CNTNAP2: variants seen among roughly 807,000 people sequenced by gnomAD.
The protein encoded by CNTNAP2 is contactin-associated protein-like 2.
Under a neutral mutation model 155.2 loss-of-function variants are expected in CNTNAP2, and 98 were observed. The ratio of observed to expected loss-of-function variants is 0.63; its 90% CI spans 0.54 to 0.75. The LOEUF (loss-of-function observed/expected upper bound fraction) is 0.75, where lower values mean the gene tolerates loss of function less well. CNTNAP2 is among the 30% of genes least tolerant of loss of function. The pLI is 0.00. For synonymous variants in CNTNAP2, 651 were observed against 631.2 expected, an observed-to-expected ratio of 1.03 and a Z score of -0.47; for missense variants, 1,727 against 1,688.1, an observed-to-expected ratio of 1.02 and a Z score of -0.40.
intron 1 of CNTNAP2, among the ~76,000 whole-genome samples, chr7:146,447,243 C>T (rs867799221): frequency 2.0e-5 from 3 of 151,860 alleles, no homozygotes; most frequent in Admixed American, 6.6e-5. Context: ...GGAGAGTGTA[C>T]GCCACAGCAC....
chr7:146,139,841 C>T (rs2116754736), intron 1 of CNTNAP2, among the ~76,000 whole-genome samples: 1 of 152,238 alleles, frequency 6.6e-6, no homozygotes, highest in East Asian at 1.9e-4. Flanking sequence ...ATAATACATG[C>T]TTGAGTTCAT....
chr7:146,885,482 T>C (rs1455497954), intron 3 of CNTNAP2, among the ~76,000 whole-genome samples: 2 of 152,174 alleles, frequency 1.3e-5, no homozygotes, highest in Non-Finnish European at 2.9e-5. Context: ...ATATAGCTGA[T>C]GTAAAAATGC....
Position 146,232,305 on chromosome 7 carries a change from A to AAT in CNTNAP2, c.97+115333_97+115334dup, listed in dbSNP as rs59860211. Among the ~76,000 whole-genome samples, 179 of 149,240 alleles carry AAT rather than the reference A, an allele frequency of 1.2e-3. 1 individual carries two copies. The highest frequency in any genetic ancestry group is 4.2e-3 in the African/African-American group (170 of 40,858). ...TAATTTTATATATTAAATAATATAT[A>AAT]ATTTTAATTGACAGATAAATTGCAT... On this transcript the variant is annotated intron_variant, in intron 1 of 23. Transcript: ENST00000361727.
Position 147,127,965 on chromosome 7 carries a change from G to T in CNTNAP2, c.940-728G>T, listed in dbSNP as rs892423138. On this transcript the variant is annotated intron_variant, in intron 6 of 23. Transcript: ENST00000361727. Reference sequence around the variant, plus strand: ...TGTATCATATAAATTTAATGCTATAGTGTATATTGATCAAAAATGTATAAG... The same window carrying T: ...TGTATCATATAAATTTAATGCTATATTGTATATTGATCAAAAATGTATAAG... Among the ~76,000 whole-genome samples, 3 of 152,016 alleles carry T rather than the reference G, an allele frequency of 2.0e-5. No individual in the cohort carries two copies. The South Asian group carries it at 6.2e-4, about 31-fold the overall frequency.
chr7:147,280,864 G>T (rs1245231863), intron 8 of CNTNAP2, among the ~76,000 whole-genome samples: 1 of 151,794 alleles, frequency 6.6e-6, no homozygotes, highest in Non-Finnish European at 1.5e-5. Flanking sequence ...TTAATAACCT[G>T]TGCTAAACCC....
intron 3 of CNTNAP2, among the ~76,000 whole-genome samples, chr7:146,890,755 A>G (rs887962587): frequency 6.4e-4 from 98 of 152,336 alleles, no homozygotes; most frequent in African/African-American, 2.1e-3. Context: ...GAAAATGACA[A>G]TGGCTTTGTT....
chr7:147,673,593 A>G (rs2116970204), intron 13 of CNTNAP2, among the ~76,000 whole-genome samples: 1 of 152,270 alleles, frequency 6.6e-6, no homozygotes, highest in African/African-American at 2.4e-5. Context: ...TCTCTTGTTC[A>G]GCTGTCTGCT....
At chr7:147,540,526 A>G (rs1799620654) in intron 11 of CNTNAP2, among the ~76,000 whole-genome samples, 1 of 152,194 alleles carries the variant, frequency 6.6e-6, no homozygotes, top group Non-Finnish European at 1.5e-5. Flanking sequence ...GAGCAATTAG[A>G]ATTTGCACAA....
At position 147,601,660 on chromosome 7, in the gene CNTNAP2, T is replaced by A. The variant is rs1246360463; in HGVS notation, c.1898-37446T>A. 2.2e-3 allele frequency among the ~76,000 whole-genome samples: 320 copies of A among 143,228 alleles called. 4 individuals are homozygous for A. The highest frequency in any genetic ancestry group is 6.7e-3 in the African/African-American group (266 of 39,518). 94.0% of individuals were successfully genotyped at this position (143,228 alleles called of 152,430 possible). A position where few individuals can be genotyped will look rare whatever the true frequency, so the allele number is the denominator to read the frequency against. On this transcript the variant is annotated intron_variant, in intron 12 of 23. Coordinates refer to ENST00000361727, the MANE Select transcript of CNTNAP2 (RefSeq NM_014141.6). ...TTAAAAAAAAATATATATATATATATATATATATATATATACACACCATCA... is the reference window on the plus strand; with the variant it reads ...TTAAAAAAAAATATATATATATATAAATATATATATATATACACACCATCA...
At chr7:147,292,421 C>G (rs1201323901) in intron 8 of CNTNAP2, among the ~76,000 whole-genome samples, 1 of 152,054 alleles carries the variant, frequency 6.6e-6, no homozygotes, top group African/African-American at 2.4e-5. Flanking sequence ...AGTTCTCTAA[C>G]TTGGTTTTTC....
At chr7:147,721,265 G>A (rs1391923531) in intron 13 of CNTNAP2, among the ~76,000 whole-genome samples, 7 of 152,038 alleles carry the variant, frequency 4.6e-5, no homozygotes, top group Non-Finnish European at 1.0e-4. Flanking sequence ...CACTTGAGTA[G>A]TAATGTTACA....
At chr7:148,202,196 C>T (rs771493016) in intron 18 of CNTNAP2, among the ~76,000 whole-genome samples, 4 of 152,128 alleles carry the variant, frequency 2.6e-5, no homozygotes, top group Admixed American at 1.3e-4. Flanking sequence ...TTACAGTTCC[C>T]CTTGTGACAA....
chr7:147,891,806 C>T (rs188387248), intron 13 of CNTNAP2, among the ~76,000 whole-genome samples: 9 of 152,024 alleles, frequency 5.9e-5, no homozygotes, highest in African/African-American at 1.7e-4. Context: ...CATAGCCCCC[C>T]CTACCATTCT....
At chr7:147,916,589 C>A (rs56679451) in intron 14 of CNTNAP2, among the ~76,000 whole-genome samples, 1 of 42,826 alleles carries the variant, frequency 2.3e-5, no homozygotes, top group Non-Finnish European at 3.7e-5. Flanking sequence ...AGCTTTTTTT[C>A]TGAAAAAAAA....
chr7:146,994,905 A>T (rs370979713), intron 3 of CNTNAP2, among the ~76,000 whole-genome samples: 1 of 152,050 alleles, frequency 6.6e-6, no homozygotes, highest in Non-Finnish European at 1.5e-5. Flanking sequence ...CATGATTATT[A>T]TCTATGGTTG....
At chr7:148,079,842 GCATGTGCAACCCC>G (rs1268915233) in intron 15 of CNTNAP2, among the ~76,000 whole-genome samples, 10 of 152,146 alleles carry the variant, frequency 6.6e-5, no homozygotes, top group Non-Finnish European at 1.0e-4. Context: ...GTATAATGAG[GCATGTGCAACCCC>G]CACTCCCCAT....
chr7:146,343,018 A>T (rs1480933382), intron 1 of CNTNAP2, among the ~76,000 whole-genome samples: 1 of 152,176 alleles, frequency 6.6e-6, no homozygotes, highest in Non-Finnish European at 1.5e-5. Context: ...GGATCTAGAA[A>T]CACAAGATGC....
chr7:148,328,976 G>GGAAA (rs772803123), intron 21 of CNTNAP2, among the ~76,000 whole-genome samples: 2 of 69,254 alleles, frequency 2.9e-5, no homozygotes, highest in Admixed American at 2.3e-4. Flanking sequence ...ACTCTGTCTG[G>GGAAA]AAAAAAAAAA....
chr7:148,207,533 T>TA (rs1336263271), intron 18 of CNTNAP2, among the ~76,000 whole-genome samples: 1 of 152,224 alleles, frequency 6.6e-6, no homozygotes, highest in Non-Finnish European at 1.5e-5. Context: ...TCTTTTTCTT[T>TA]ACATTTGGCA....
Sources: allele counts gnomAD v4.1 joint callset (sites outside exome capture counted in the v4.1 genomes callset), GRCh38; gene constraint gnomAD v4.1.1; transcripts MANE v1.5; gene names NCBI Gene and HGNC (gene_info 2026-07-23, HGNC 2026-07-21).